Variants in TFDP1 observed in about 807,000 individuals in gnomAD.
TFDP1 encodes DRTF1-polypeptide 1.
Under a neutral mutation model 48.0 loss-of-function variants are expected in TFDP1, and 6 were observed. The observed-to-expected ratio is 0.13, with a 90% CI of 0.07 to 0.25. The LOEUF is 0.25. Ranked by LOEUF, TFDP1 falls within the 10% of genes least tolerant of loss-of-function variation. The pLI, the probability that TFDP1 is intolerant of heterozygous loss-of-function variation, is 1.00. For missense variants in TFDP1, 335 were observed against 543.0 expected (o/e 0.62, Z 3.81); for synonymous variants, 201 against 211.6 (o/e 0.95, Z 0.44).
intron 4 of TFDP1, among the ~76,000 whole-genome samples, chr13:113,625,432 GTC>G (rs1171310288): frequency 1.9e-4 from 22 of 116,664 alleles, no homozygotes; most frequent in African/African-American, 6.6e-4. Flanking sequence ...GTCCTCAGGT[GTC>G]TCTCACATGT....
rs766035257 is a variant in TFDP1, at chr13:113,634,529, T to C, written c.619-5T>C. 48 of 1,611,396 alleles carry C rather than the reference T, an allele frequency of 3.0e-5. No homozygotes were observed. Among genetic ancestry groups the C allele is most frequent in the Non-Finnish European group, 4.0e-5 (47 of 1,179,252 alleles). ...ATTCTTCACATGGGTGGTTTGTTTTTGAAGGTGGAAAGACAGAGGAGACTT... is the reference window on the plus strand; with the variant it reads ...ATTCTTCACATGGGTGGTTTGTTTTCGAAGGTGGAAAGACAGAGGAGACTT... On this transcript the variant is annotated splice_region_variant and splice_polypyrimidine_tract_variant and intron_variant, in intron 7 of 11. Transcript: ENST00000375370.
At chr13:113,630,694 A>G (rs1479788508) in intron 4 of TFDP1, among the ~76,000 whole-genome samples, 1 of 152,250 alleles carries the variant, frequency 6.6e-6, no homozygotes, top group African/African-American at 2.4e-5. Context: ...GTCGTGCCAC[A>G]AGATCTTTGA....
At chr13:113,604,983 T>C (rs940233245) in intron 2 of TFDP1, among the ~76,000 whole-genome samples, 9 of 152,062 alleles carry the variant, frequency 5.9e-5, no homozygotes, top group Admixed American at 5.9e-4. Flanking sequence ...TCTTGGTAGG[T>C]TTTGGACGGG....
chr13:113,594,744 C>A (rs1019346555), intron 2 of TFDP1, among the ~76,000 whole-genome samples: 4 of 152,210 alleles, frequency 2.6e-5, no homozygotes, highest in African/African-American at 9.7e-5. Flanking sequence ...GCTTTTCTGT[C>A]GCAGTTGCTT....
At chr13:113,606,095 C>A (rs1318652554) in intron 2 of TFDP1, among the ~76,000 whole-genome samples, 114 of 136,900 alleles carry the variant, frequency 8.3e-4, no homozygotes, top group African/African-American at 3.3e-3. Context: ...ATAGGGGATC[C>A]TGTGGGAAGG....
intron 10 of TFDP1, among the ~76,000 whole-genome samples, 194 bp downstream of exon 10, chr13:113,636,894 G>A (rs548164834): frequency 1.8e-4 from 27 of 152,268 alleles, no homozygotes; most frequent in African/African-American, 4.8e-4. Context: ...AGCCAGTGCC[G>A]TGACCCACTG....
chr13:113,602,351 G>T (rs1432817163), intron 2 of TFDP1, among the ~76,000 whole-genome samples: 2 of 152,108 alleles, frequency 1.3e-5, no homozygotes, highest in African/African-American at 4.8e-5. Context: ...GGAGTCGAGA[G>T]GGGAGCGGAT....
At chr13:113,601,254 AG>A (rs2048417695) in intron 2 of TFDP1, among the ~76,000 whole-genome samples, 1 of 146,220 alleles carries the variant, frequency 6.8e-6, no homozygotes, top group African/African-American at 2.6e-5. Context: ...TTAGGAGCCC[AG>A]GTCCCCGTTC....
At chr13:113,616,819 A>G (rs762113145) in intron 3 of TFDP1, among the ~76,000 whole-genome samples, 3 of 152,174 alleles carry the variant, frequency 2.0e-5, no homozygotes, top group Admixed American at 6.5e-5. Context: ...AAGGGAGGGT[A>G]TAAGTTTTGG....
At chr13:113,604,680 C>G (rs527969650) in intron 2 of TFDP1, among the ~76,000 whole-genome samples, 1 of 152,322 alleles carries the variant, frequency 6.6e-6, no homozygotes, top group African/African-American at 2.4e-5. Flanking sequence ...ACTTAGCAGC[C>G]TCCGTTTACA....
chr13:113,585,898 A>G (rs1030589731), intron 2 of TFDP1, 49 bp downstream of exon 2: 6 of 1,581,366 alleles, frequency 3.8e-6, no homozygotes, highest in Non-Finnish European at 5.2e-6. Context: ...CTCGCACTAA[A>G]TTCTTTGTAG....
rs543398591 is a variant in TFDP1 at position 113,610,467 on chromosome 13, C to T, written c.13-529C>T. 7.1e-3 allele frequency among the ~76,000 whole-genome samples: 1,051 copies of T among 147,810 alleles called. 11 individuals are homozygous for T. Among genetic ancestry groups the T allele is most frequent in the African/African-American group, 0.025 (964 of 39,134 alleles). ...CCCCCGCTGTGTGGCTGTGCCATCA[C>T]GTGTGCCCCCGCTGTGTGGTTGTGC... On this transcript the variant is annotated intron_variant, in intron 2 of 11. Transcript: ENST00000375370.
At chr13:113,585,003 A>ACCCGCGCCCT (rs971494567) in intron 1 of TFDP1, 115 bp downstream of exon 1, 4 of 145,930 alleles carry the variant, frequency 2.7e-5, no homozygotes, top group East Asian at 2.0e-4. Flanking sequence ...CGCGGCCCCG[A>ACCCGCGCCCT]CCCGCGCCCT....
chr13:113,636,703 C>T lies in TFDP1; in HGVS notation c.1006+3C>T, dbSNP rs371342398. The T allele has an allele frequency of 4.3e-6, 7 of 1,611,942 alleles. No homozygotes were observed. The highest frequency in any genetic ancestry group is 5.1e-6 in the Non-Finnish European group (6 of 1,178,464). On this transcript the variant is annotated splice_donor_region_variant and intron_variant, in intron 10 of 11. Transcript: ENST00000375370. ...GGCTCTGGAGCCATACGTGACAGGT[C>T]AGCAATGCCCAGACAACCTGGCGTG...
intron 4 of TFDP1, among the ~76,000 whole-genome samples, chr13:113,630,982 G>A (rs1346550834): frequency 6.6e-6 from 1 of 152,222 alleles, no homozygotes; most frequent in Non-Finnish European, 1.5e-5. Flanking sequence ...CAGTGCTGGT[G>A]GCCCTCCCTC....
chr13:113,585,641 T>C (rs1375725643), intron 1 of TFDP1, 133 bp from the exon 2 acceptor site: 2 of 544,794 alleles, frequency 3.7e-6, no homozygotes, highest in Non-Finnish European at 6.5e-6. Context: ...TTTGGCCAGC[T>C]CCGCTCTCAG....
intron 4 of TFDP1, among the ~76,000 whole-genome samples, chr13:113,625,237 C>G (rs113064943): frequency 9.9e-6 from 1 of 100,850 alleles, no homozygotes; most frequent in South Asian, 3.7e-4. Context: ...TCACATGTCC[C>G]CAGGTGTCTC....
At chr13:113,586,486 C>T (rs185716253) in intron 2 of TFDP1, among the ~76,000 whole-genome samples, 1 of 152,124 alleles carries the variant, frequency 6.6e-6, no homozygotes, top group Non-Finnish European at 1.5e-5. Context: ...TATTGGTGTG[C>T]GGTTCTTTAC....
chr13:113,619,613 C>G (rs1201526885), intron 3 of TFDP1, among the ~76,000 whole-genome samples: 6 of 152,086 alleles, frequency 3.9e-5, no homozygotes, highest in African/African-American at 1.4e-4. Flanking sequence ...TTGCTGCTCG[C>G]TGTGGTCGGG....
Sources: gnomAD v4.1 joint callset for allele counts (sites outside exome capture counted in the v4.1 genomes callset) on GRCh38, gnomAD v4.1.1 for gene constraint, MANE v1.5 for transcripts, NCBI Gene and HGNC (gene_info 2026-07-23, HGNC 2026-07-21) for gene names.